Variants in POT1 observed in about 807,000 individuals in gnomAD.
POT1 encodes the protein protection of telomeres protein 1.
POT1 carries 47 observed loss-of-function variants against 78.5 expected under a neutral mutation model. The ratio of observed to expected loss-of-function variants is 0.60; its 90% confidence interval spans 0.47 to 0.76. The LOEUF (loss-of-function observed/expected upper bound fraction) is 0.76. Among genes scored for constraint, POT1 ranks in the 30% least tolerant of loss-of-function variants. The pLI is 0.00. For missense variants in POT1, 646 were observed against 749.9 expected, an observed-to-expected ratio of 0.86 and a Z score of 1.62; for synonymous variants, 259 against 260.7, an observed-to-expected ratio of 0.99 and a Z score of 0.06.
chr7:124,906,683 T>C (rs1032019737), intron 3 of POT1, among the ~76,000 whole-genome samples: 1 of 152,062 alleles, frequency 6.6e-6, no homozygotes, highest in Admixed American at 6.6e-5. Context: ...TTCATGTGTA[T>C]ATTTCATATA....
At chr7:124,831,785 G>A (rs1220562785) in intron 15 of POT1, among the ~76,000 whole-genome samples, 1 of 151,786 alleles carries the variant, frequency 6.6e-6, no homozygotes, top group African/African-American at 2.4e-5. Context: ...AGCTGCAAAA[G>A]GCTTGGCATA....
chr7:124,923,533 C>A (rs1396515309), intron 2 of POT1, among the ~76,000 whole-genome samples: 4 of 151,688 alleles, frequency 2.6e-5, no homozygotes, highest in Admixed American at 1.3e-4. Flanking sequence ...TCCAGGACTA[C>A]ATAAAGCAAA....
rs2116484092 is a variant in POT1 at position 124,846,974 on chromosome 7, T to C, written c.974A>G (p.Glu325Gly). The C allele has an allele frequency of 6.2e-7, 1 of 1,606,050 alleles. No homozygotes were observed. Among genetic ancestry groups the C allele is most frequent in the Non-Finnish European group, 8.5e-7 (1 of 1,172,962 alleles). Residue 325 changes from glutamate (E) to glycine (G), a missense_variant, in exon 12 of 19, where the codon GAG becomes GGG. Physicochemically the swap from Glu to Gly is moderately conservative, Grantham distance 98 (BLOSUM62 -2). This residue lies in a region of POT1 where 394 missense variants were observed against 408.4 expected (regional missense o/e 0.96). Transcript: ENST00000357628. ...FPSSGSVSLY[E>G]VERCQQLSAT... ...AGATAGCTGTTGACATCTTTCTACC[T>C]CGTATAATGATACTGATCCAGAGCC...
intron 14 of POT1, among the ~76,000 whole-genome samples, chr7:124,837,039 G>C (rs1358739298): frequency 6.6e-6 from 1 of 152,170 alleles, no homozygotes; most frequent in East Asian, 1.9e-4. Context: ...TCCTAACTGA[G>C]AGCAATTTAT....
intron 12 of POT1, among the ~76,000 whole-genome samples, chr7:124,845,915 A>G (rs905145967): frequency 6.6e-6 from 1 of 152,092 alleles, no homozygotes; most frequent in Non-Finnish European, 1.5e-5. Context: ...CCATTTGACG[A>G]GTTTCATCAT....
intron 9 of POT1, among the ~76,000 whole-genome samples, chr7:124,855,003 A>G (rs1257895770): frequency 6.6e-6 from 1 of 151,760 alleles, no homozygotes; most frequent in African/African-American, 2.4e-5. Context: ...TTTCCTCCAA[A>G]TTAAACTTTA....
chr7:124,829,143 T>C (rs1794700176), intron 16 of POT1, 111 bp downstream of exon 16: 2 of 802,076 alleles, frequency 2.5e-6, no homozygotes, highest in South Asian at 1.4e-5. Context: ...GAGGAAGGAA[T>C]AAGTATACAA....
chr7:124,918,935 G>C (rs1213799559), intron 2 of POT1, among the ~76,000 whole-genome samples: 3 of 152,052 alleles, frequency 2.0e-5, no homozygotes, highest in Non-Finnish European at 2.9e-5. Context: ...ACTCTGAATG[G>C]GGAGGATGGG....
intron 6 of POT1, among the ~76,000 whole-genome samples, chr7:124,872,344 C>T (rs184711677): frequency 6.6e-6 from 1 of 152,272 alleles, no homozygotes; most frequent in Admixed American, 6.5e-5. Flanking sequence ...GTAGTACTCC[C>T]TATCTGAAGT....
intron 2 of POT1, among the ~76,000 whole-genome samples, chr7:124,924,197 GTTAT>G (rs1341929819): frequency 6.7e-6 from 1 of 148,734 alleles, no homozygotes; most frequent in African/African-American, 2.5e-5. Context: ...AAAAAAGTTG[GTTAT>G]TTAAAGAGAG....
intron 3 of POT1, among the ~76,000 whole-genome samples, chr7:124,912,263 T>C (rs1378847424): frequency 6.6e-6 from 1 of 151,344 alleles, no homozygotes; most frequent in Non-Finnish European, 1.5e-5. Context: ...AAAAAAAAAC[T>C]CAGTGGAATT....
chr7:124,835,921 C>T (rs1163109131), intron 14 of POT1, among the ~76,000 whole-genome samples: 2 of 152,134 alleles, frequency 1.3e-5, no homozygotes, highest in Non-Finnish European at 2.9e-5. Flanking sequence ...AATTCTATGA[C>T]AGAGTAAGCA....
At chr7:124,841,225 C>A (rs764274322) in intron 13 of POT1, 47 bp from the exon 14 acceptor site, 3 of 1,435,524 alleles carry the variant, frequency 2.1e-6, no homozygotes, top group African/African-American at 1.4e-5. Context: ...TTGGTGTAAG[C>A]GTGAAGATTT....
chr7:124,841,535 G>A (rs1795028540), intron 13 of POT1, among the ~76,000 whole-genome samples: 1 of 151,756 alleles, frequency 6.6e-6, no homozygotes, highest in Non-Finnish European at 1.5e-5. Flanking sequence ...AAATGCAGTG[G>A]CCCCGTCTTC....
At chr7:124,841,333 T>C (rs1795023828) in intron 13 of POT1, among the ~76,000 whole-genome samples, 155 bp from the exon 14 acceptor site, 1 of 152,036 alleles carries the variant, frequency 6.6e-6, no homozygotes, top group Non-Finnish European at 1.5e-5. Flanking sequence ...ATAATTCACT[T>C]TGCAGAACAA....
chr7:124,924,427 G>A (rs906270981), intron 2 of POT1, among the ~76,000 whole-genome samples: 1 of 151,876 alleles, frequency 6.6e-6, no homozygotes. Flanking sequence ...GACTGACCCA[G>A]GAAGAAAGAG....
At chr7:124,922,779 T>C (rs1797183179) in intron 2 of POT1, among the ~76,000 whole-genome samples, 1 of 151,852 alleles carries the variant, frequency 6.6e-6, no homozygotes, top group Non-Finnish European at 1.5e-5. Context: ...CAAAACCATA[T>C]CAATAATTAT....
chr7:124,924,897 T>C (rs1234495594), intron 2 of POT1, among the ~76,000 whole-genome samples: 1 of 152,022 alleles, frequency 6.6e-6, no homozygotes, highest in Admixed American at 6.6e-5. Context: ...AAAAAGCATT[T>C]GATAAAATTC....
rs900036136 is a variant in POT1 at position 124,894,518 on chromosome 7, A to G, written c.10-2138T>C. On this transcript the variant is annotated intron_variant, in intron 5 of 18. Coordinates refer to ENST00000357628, the MANE Select transcript of POT1 (RefSeq NM_015450.3). ...TTTCCATGCAAATCAGCAAGTATTT[A>G]TGTGTACAACAGCTAAGATATAAAC... Among the ~76,000 whole-genome samples the G allele has an allele frequency of 4.0e-5, 6 of 151,666 alleles. No homozygotes were observed. In the South Asian group the frequency reaches 1.2e-3, roughly 31 times the overall value.
Sources: gnomAD v4.1 joint callset for allele counts (sites outside exome capture counted in the v4.1 genomes callset) on GRCh38, gnomAD v4.1.1 for gene constraint, gnomAD v4.1.1 regional missense constraint, MANE v1.5 for transcripts, NCBI Gene and HGNC (gene_info 2026-07-23, HGNC 2026-07-21) for gene names.